Variants in CDH5 observed in about 807,000 individuals in gnomAD.
CDH5 encodes the protein cadherin 5, also known as cadherin-5.
CDH5 carries 28 observed loss-of-function variants against 62.0 expected under a neutral mutation model. That is an observed-to-expected ratio of 0.45 (90% CI 0.33 to 0.62). The LOEUF is 0.62. Among genes scored for constraint, CDH5 ranks in the 20% least tolerant of loss-of-function variants. CDH5 has a pLI of 0.02. For synonymous variants in CDH5, 464 were observed against 445.8 expected, an observed-to-expected ratio of 1.04 and a Z score of -0.52; for missense variants, 940 against 1,065.1, an observed-to-expected ratio of 0.88 and a Z score of 1.63.
intron 5 of CDH5, 40 bp downstream of exon 5, chr16:66,389,562 A>G: frequency 1.3e-6 from 2 of 1,491,944 alleles, no homozygotes; most frequent in South Asian, 1.3e-5. Flanking sequence ...GGGGGCTGGG[A>G]TACCCCAGAC....
At chr16:66,381,982 T>G (rs1247638501) in intron 2 of CDH5, among the ~76,000 whole-genome samples, 5 of 152,154 alleles carry the variant, frequency 3.3e-5, no homozygotes, top group African/African-American at 1.2e-4. Flanking sequence ...ACAAATGGTG[T>G]GGGGGTGCCC....
Position 66,400,864 on chromosome 16 carries a change from TGC to T in CDH5, c.1686_1687del (p.Met562IlefsTer192). 6.2e-7 allele frequency: 1 copy of T among 1,614,192 alleles called. No homozygotes were observed. The highest frequency in any genetic ancestry group is 8.5e-7 in the Non-Finnish European group (1 of 1,180,038). The stretch of plus-strand genomic sequence containing the variant: ...CCCGTGGTCATCTCAGACAATGGGA[TGC>T]CAAGTCGCACGGGCACCAGCACGCT... On this transcript the variant is annotated frameshift_variant, in exon 11 of 12. Coordinates refer to ENST00000341529, the MANE Select transcript of CDH5 (RefSeq NM_001795.5). LOFTEE classifies it high-confidence loss of function.
At chr16:66,388,543 C>G in intron 4 of CDH5, 103 bp downstream of exon 4, 1 of 762,370 alleles carries the variant, frequency 1.3e-6, no homozygotes, top group Admixed American at 1.8e-5. Context: ...TGACAGGTGT[C>G]ACTAGCTACT....
At position 66,388,345 on chromosome 16, in the gene CDH5, C is replaced by T; in HGVS notation, c.521C>T (p.Thr174Ile). 6.2e-7 allele frequency: 1 copy of T among 1,613,186 alleles called. No individual in the cohort carries two copies. Among genetic ancestry groups the T allele is most frequent in the Admixed American group, 1.7e-5 (1 of 60,030 alleles). The change falls in exon 4 of 12, where the codon ACA (threonine) becomes ATA (isoleucine). Residue 174 changes from threonine to isoleucine, a missense_variant. By Grantham distance (89) the Thr-to-Ile change is moderately conservative (BLOSUM62 -1). Transcript: ENST00000341529. ...SAVGTSVISV[T>I]AVDADDPTVG... ...GCAGGGACCTCAGTCATCTCTGTGA[C>T]AGCAGTGGATGCAGACGACCCCACT...
rs925139568 is a variant in CDH5, at chr16:66,392,177, C to T, written c.1011C>T (p.Val337=). The part of the protein sequence containing the change: ...YEYIQQYSFI[V]EATDPTIDLR... ...ACATCCAGCAATACAGCTTCATCGT[C>T]GAGGCCACAGACCCCACCATCGACC... Residue 337 remains valine (V), a synonymous_variant, in exon 7 of 12, where the codon GTC becomes GTT. Coordinates refer to ENST00000341529, the MANE Select transcript of CDH5 (RefSeq NM_001795.5). The T allele has an allele frequency of 3.7e-6, 6 of 1,614,006 alleles. No homozygotes were observed. The highest frequency in any genetic ancestry group is 5.1e-6 in the Non-Finnish European group (6 of 1,180,022).
rs560231529 is a variant in CDH5 at position 66,392,461 on chromosome 16, G to A, written c.1217+78G>A. On this transcript the variant is annotated intron_variant, in intron 7 of 11. Coordinates refer to ENST00000341529, the MANE Select transcript of CDH5 (RefSeq NM_001795.5). ...CCTATGCCTGCTGGTCTGAGGCCAG[G>A]ACTCAGAGAGGGGAACTGGCTTCTC... is the stretch of plus-strand genomic sequence containing the variant. 289 of 1,563,820 alleles carry A rather than the reference G, an allele frequency of 1.8e-4. 5 individuals are homozygous for A. The highest frequency in any genetic ancestry group is 1.5e-3 in the South Asian group (134 of 86,656).
chr16:66,374,432 G>A (rs928319935), intron 1 of CDH5, among the ~76,000 whole-genome samples: 1 of 152,238 alleles, frequency 6.6e-6, no homozygotes, highest in Non-Finnish European at 1.5e-5. Flanking sequence ...GCGAGAGCCA[G>A]TCTCAGCCCT....
intron 8 of CDH5, 103 bp downstream of exon 8, chr16:66,396,304 G>A: frequency 6.9e-7 from 1 of 1,444,108 alleles, no homozygotes; most frequent in African/African-American, 1.4e-5. Flanking sequence ...CGTATTAGAA[G>A]TGCCTGCTGA....
Position 66,403,432 on chromosome 16 carries a change from T to C in CDH5, c.*263T>C, listed in dbSNP as rs1032493309. On this transcript the variant is annotated 3_prime_UTR_variant, in exon 12 of 12. Transcript: ENST00000341529. This position sits in a 1 kb window ranked among gnomAD's most constrained non-coding sequence, Gnocchi z 4.3. ...CTGGGCTCAGACATCCACATAACCCTGTCACCCACAGACCGCCGTCTAACT... is the reference window on the plus strand; with the variant it reads ...CTGGGCTCAGACATCCACATAACCCCGTCACCCACAGACCGCCGTCTAACT... The C allele has an allele frequency of 6.0e-6, 3 of 502,422 alleles. No individual in the cohort carries two copies. Among genetic ancestry groups the C allele is most frequent in the African/African-American group, 1.9e-5 (1 of 51,868 alleles). 31.1% of individuals were successfully genotyped at this position (502,422 alleles called of 1,614,324 possible).
chr16:66,381,806 C>T (rs1032805956), intron 2 of CDH5, among the ~76,000 whole-genome samples: 1 of 152,234 alleles, frequency 6.6e-6, no homozygotes, highest in Non-Finnish European at 1.5e-5. Context: ...CACACTCATT[C>T]ATCTACAGAT....
intron 7 of CDH5, among the ~76,000 whole-genome samples, chr16:66,393,446 G>A (rs547098488): frequency 1.3e-5 from 2 of 152,292 alleles, no homozygotes; most frequent in South Asian, 4.2e-4. Flanking sequence ...AAGCAGGCAC[G>A]TCTTACACGG....
chr16:66,379,865 ATGGTGGTGG>A (rs1468757514), intron 2 of CDH5, among the ~76,000 whole-genome samples: 1 of 148,218 alleles, frequency 6.7e-6, no homozygotes, highest in African/African-American at 2.5e-5. Context: ...GATGGTGGTG[ATGGTGGTGG>A]TGGCTGTGAT....
chr16:66,394,697 C>A (rs909907920), intron 7 of CDH5, among the ~76,000 whole-genome samples: 8 of 152,066 alleles, frequency 5.3e-5, no homozygotes, highest in African/African-American at 1.9e-4. Flanking sequence ...TATAGACATA[C>A]ACACACCCAT....
At chr16:66,380,572 T>C (rs1242486414) in intron 2 of CDH5, among the ~76,000 whole-genome samples, 1 of 150,208 alleles carries the variant, frequency 6.7e-6, no homozygotes, top group Admixed American at 6.6e-5. Context: ...GATAAAGGGG[T>C]AGGTGGTGGT....
intron 10 of CDH5, among the ~76,000 whole-genome samples, chr16:66,399,439 C>T (rs1400083060): frequency 6.6e-6 from 1 of 152,194 alleles, no homozygotes; most frequent in African/African-American, 2.4e-5. Flanking sequence ...ATGAGGATGG[C>T]TGTATTGCAG....
At chr16:66,367,014 T>C (rs1413331181) in intron 1 of CDH5, among the ~76,000 whole-genome samples, 6 of 152,038 alleles carry the variant, frequency 3.9e-5, no homozygotes, top group Non-Finnish European at 4.4e-5. Flanking sequence ...CTCCCAGAAG[T>C]GTATTCTCCA....
At chr16:66,395,500 T>TCTC (rs1389388847) in intron 7 of CDH5, 3 of 118,824 alleles carry the variant, frequency 2.5e-5, no homozygotes, top group Non-Finnish European at 5.2e-5. Context: ...AAACTTTTCT[T>TCTC]TTCTTTTTTT....
Position 66,390,419 on chromosome 16 carries a change from C to A in CDH5, c.798C>A (p.Val266=). Residue 266 remains valine (V), a synonymous_variant, in exon 6 of 12, where the codon GTC becomes GTA. Transcript: ENST00000341529. ...PFFTQTKYTF[V]VPEDTRVGTS... ...TTGCATCAGCCAAGTACACATTTGT[C>A]GTGCCTGAAGACACCCGTGTGGGCA... 6.2e-7 allele frequency: 1 copy of A among 1,613,392 alleles called. No individual in the cohort carries two copies. Among genetic ancestry groups the A allele is most frequent in the South Asian group, 1.1e-5 (1 of 90,908 alleles).
chr16:66,373,407 ATT>A (rs34814895), intron 1 of CDH5, among the ~76,000 whole-genome samples: 7,248 of 133,678 alleles, frequency 0.054, 545 homozygotes, highest in African/African-American at 0.19. Context: ...TGGTTAGCCA[ATT>A]TTTTTTTTTT....
Sources: allele counts gnomAD v4.1 joint callset (sites outside exome capture counted in the v4.1 genomes callset), GRCh38; gene constraint gnomAD v4.1.1; non-coding constraint Gnocchi (gnomAD v3.1); transcripts MANE v1.5; gene names NCBI Gene and HGNC (gene_info 2026-07-23, HGNC 2026-07-21).